The following INSL6 variants were observed in gnomAD, a reference collection of about 807,000 sequenced individuals.
The protein encoded by INSL6 is insulin like 6.
In INSL6, 16 loss-of-function variants were observed where a neutral mutation model predicts 9.4. That is an observed-to-expected ratio of 1.70 (90% confidence interval 1.15 to 2.59). The LOEUF is 2.59. Ranked by LOEUF, INSL6 falls within the 30% of genes most tolerant of loss-of-function variation. The probability of loss-of-function intolerance (pLI) is 0.00; values close to 1 mark genes in which losing one functional copy is unlikely to be tolerated. For synonymous variants in INSL6, 154 were observed against 96.9 expected (o/e 1.59, Z -3.46); for missense variants, 391 against 257.3 (o/e 1.52, Z -3.56).
chr9:5,162,509 A>C (rs1285864111), downstream of INSL6, among the ~76,000 whole-genome samples: 2 of 152,346 alleles, frequency 1.3e-5, no homozygotes, highest in East Asian at 3.9e-4. Flanking sequence ...ACAAGTACAG[A>C]CCTATACCCT....
chr9:5,064,838 T>G, the INSL6 span: 5 of 1,403,918 alleles, frequency 3.6e-6, no homozygotes, highest in Non-Finnish European at 4.8e-6. Flanking sequence ...TAACATGGAG[T>G]TGACTTTCTA....
At chr9:5,088,854 T>G in the INSL6 span, among the ~76,000 whole-genome samples, 1 of 152,144 alleles carries the variant, frequency 6.6e-6, no homozygotes, top group East Asian at 1.9e-4. Context: ...ATAACCTAAT[T>G]TAACTTTTAT....
At chr9:5,180,474 T>G (rs905354256) in intron 1 of INSL6, among the ~76,000 whole-genome samples, 1 of 152,160 alleles carries the variant, frequency 6.6e-6, no homozygotes, top group Admixed American at 6.5e-5. Context: ...ACTAAATTCT[T>G]TTTCCTAGCA....
chr9:5,066,467 G>A, the INSL6 span, among the ~76,000 whole-genome samples: 9 of 152,014 alleles, frequency 5.9e-5, no homozygotes, highest in African/African-American at 1.9e-4. Flanking sequence ...GGTTTTTAAA[G>A]CTATATAATT....
At chr9:5,024,728 T>G in the INSL6 span, among the ~76,000 whole-genome samples, 1 of 152,220 alleles carries the variant, frequency 6.6e-6, no homozygotes, top group Non-Finnish European at 1.5e-5. Flanking sequence ...ATGTTTTCAA[T>G]GAATATCTTC....
chr9:5,065,113 TGA>T, the INSL6 span: 1 of 976,018 alleles, frequency 1.0e-6, no homozygotes, highest in South Asian at 2.7e-5. Flanking sequence ...TTTAACAGAG[TGA>T]TACATGTATG....
At chr9:5,067,495 T>C in the INSL6 span, among the ~76,000 whole-genome samples, 1 of 152,090 alleles carries the variant, frequency 6.6e-6, no homozygotes, top group Non-Finnish European at 1.5e-5. Flanking sequence ...TTTTATAAAA[T>C]GCAACTTATA....
Position 5,137,835 on chromosome 9 carries a change from C to T in INSL6, c.377-4243G>A, listed in dbSNP as rs141795299. 5.2e-3 allele frequency among the ~76,000 whole-genome samples: 792 copies of T among 152,142 alleles called. 3 individuals carry two copies. Among genetic ancestry groups the T allele is most frequent in the Non-Finnish European group, 9.2e-3 (622 of 67,978 alleles). ...AATGGGAAAAAATTTTTGCAATCTACCCATCTGACAAAGGGCTAATATCCA... is the reference window on the plus strand; with the variant it reads ...AATGGGAAAAAATTTTTGCAATCTATCCATCTGACAAAGGGCTAATATCCA... On this transcript the variant is annotated intron_variant, in intron 2 of 3. Transcript: ENST00000649639.
chr9:4,996,523 G>A, the INSL6 span, among the ~76,000 whole-genome samples: 1 of 151,700 alleles, frequency 6.6e-6, no homozygotes, highest in African/African-American at 2.4e-5. Flanking sequence ...TTATTTATAT[G>A]TATAATTTAT....
the INSL6 span, among the ~76,000 whole-genome samples, chr9:5,004,222 C>T: frequency 1.3e-5 from 2 of 152,106 alleles, no homozygotes; most frequent in Non-Finnish European, 2.9e-5. Flanking sequence ...CAATAGATCT[C>T]TTCAGTTTAC....
chr9:5,007,689 G>T, the INSL6 span, among the ~76,000 whole-genome samples: 2 of 151,234 alleles, frequency 1.3e-5, no homozygotes, highest in African/African-American at 4.9e-5. Flanking sequence ...TTTTGCACCA[G>T]TCTAATAATG....
the INSL6 span, chr9:5,072,588 T>C: frequency 3.9e-5 from 62 of 1,610,270 alleles, no homozygotes; most frequent in African/African-American, 5.3e-5. Flanking sequence ...AGAAGTTCTT[T>C]TAAAAGTTCT....
chr9:5,157,966 T>C (rs1217595865), intron 2 of INSL6, among the ~76,000 whole-genome samples: 1 of 151,976 alleles, frequency 6.6e-6, no homozygotes, highest in Non-Finnish European at 1.5e-5. Context: ...AGAAAAGAAA[T>C]TCAGAATTCT....
chr9:5,118,138 G>A, the INSL6 span, among the ~76,000 whole-genome samples: 1 of 152,278 alleles, frequency 6.6e-6, no homozygotes, highest in African/African-American at 2.4e-5. Flanking sequence ...TCCAGCCTGG[G>A]CGACAGAGCG....
intron 1 of INSL6, among the ~76,000 whole-genome samples, chr9:5,179,499 T>C (rs1246169384): frequency 1.3e-5 from 2 of 152,210 alleles, no homozygotes; most frequent in Non-Finnish European, 2.9e-5. Flanking sequence ...ACTGGGTGTA[T>C]ACCCAAAGGA....
chr9:5,131,061 A>AGAT (rs1200475554), intron 3 of INSL6, among the ~76,000 whole-genome samples: 1 of 152,204 alleles, frequency 6.6e-6, no homozygotes, highest in East Asian at 1.9e-4. Context: ...ATGTAGTATA[A>AGAT]GATTGTGAGT....
chr9:5,164,281 A>T lies in INSL6; in HGVS notation c.290-16T>A. The T allele has an allele frequency of 6.8e-7, 1 of 1,480,462 alleles. No individual in the cohort carries two copies. The highest frequency in any genetic ancestry group is 9.3e-7 in the Non-Finnish European group (1 of 1,071,404). 91.7% of individuals were successfully genotyped at this position (1,480,462 alleles called of 1,614,324 possible). A position where few individuals can be genotyped will look rare whatever the true frequency, so the allele number is the denominator to read the frequency against. ...GAAGTAGACACTGTTGAGAGAGAAG[A>T]AAATAAATGCTCCTTTATTAAAATC... On this transcript the variant is annotated splice_polypyrimidine_tract_variant and intron_variant, in intron 1 of 1. Transcript: ENST00000381641.
chr9:5,127,076 A>T, intron 3 of INSL6: 1 of 265,742 alleles, frequency 3.8e-6, no homozygotes. Flanking sequence ...AAAAAAATAG[A>T]CTTTTTCAAC....
At chr9:5,091,055 T>TTAGGTC in the INSL6 span, 883 of 610,670 alleles carry the variant, frequency 1.4e-3, 10 homozygotes, top group African/African-American at 0.015. Flanking sequence ...CTTTTTTTTT[T>TTAGGTC]TAGGTCTTAT....
Sources: allele counts gnomAD v4.1 joint callset (sites outside exome capture counted in the v4.1 genomes callset), GRCh38; gene constraint gnomAD v4.1.1; transcripts MANE v1.5; gene names NCBI Gene and HGNC (gene_info 2026-07-23, HGNC 2026-07-21).